PPP1R9A: variants seen among roughly 807,000 people sequenced by gnomAD.
The protein encoded by PPP1R9A is neurabin-1.
A neutral mutation model predicts 141.9 loss-of-function variants in PPP1R9A; 59 were observed. The observed-to-expected ratio is 0.42, with a 90% CI of 0.34 to 0.52. The LOEUF (loss-of-function observed/expected upper bound fraction) is 0.52. Ranked by LOEUF, PPP1R9A falls within the 20% of genes least tolerant of loss-of-function variation. The probability of loss-of-function intolerance (pLI) is 0.10; values close to 1 mark genes in which losing one functional copy is unlikely to be tolerated. For synonymous variants in PPP1R9A, 500 were observed against 569.7 expected, an observed-to-expected ratio of 0.88 and a Z score of 1.74; for missense variants, 1,444 against 1,611.9, an observed-to-expected ratio of 0.90 and a Z score of 1.78.
chr7:95,006,433 G>T (rs1803607985), intron 2 of PPP1R9A, among the ~76,000 whole-genome samples: 1 of 151,882 alleles, frequency 6.6e-6, no homozygotes, highest in South Asian at 2.1e-4. Flanking sequence ...TGGCCAGGCT[G>T]GTCTCGAACT....
intron 5 of PPP1R9A, among the ~76,000 whole-genome samples, chr7:95,169,253 G>A (rs946512219): frequency 1.3e-5 from 2 of 151,922 alleles, no homozygotes; most frequent in African/African-American, 4.8e-5. Flanking sequence ...ATGGGAACTG[G>A]AGGTCATTAT....
intron 12 of PPP1R9A, among the ~76,000 whole-genome samples, chr7:95,256,416 A>T (rs1799593618): frequency 6.6e-6 from 1 of 152,136 alleles, no homozygotes; most frequent in Non-Finnish European, 1.5e-5. Context: ...ATGAAGTTTA[A>T]TACCTTTTCA....
chr7:94,942,574 G>A (rs1006761947), intron 2 of PPP1R9A, among the ~76,000 whole-genome samples: 4 of 151,922 alleles, frequency 2.6e-5, no homozygotes, highest in African/African-American at 9.7e-5. Flanking sequence ...AGGCTGAGGC[G>A]GGTGGATCAC....
intron 7 of PPP1R9A, among the ~76,000 whole-genome samples, chr7:95,221,687 G>C (rs1039692041): frequency 4.6e-5 from 7 of 151,974 alleles, no homozygotes; most frequent in African/African-American, 1.7e-4. Flanking sequence ...AAGACTGGCA[G>C]CTCAAGAAAA....
intron 8 of PPP1R9A, among the ~76,000 whole-genome samples, chr7:95,227,835 T>C (rs1795356471): frequency 6.6e-6 from 1 of 152,204 alleles, no homozygotes; most frequent in Non-Finnish European, 1.5e-5. Context: ...CTCACCTCAA[T>C]AACAGGCAAT....
chr7:95,046,456 G>C (rs1354838767), intron 2 of PPP1R9A, among the ~76,000 whole-genome samples: 1 of 152,172 alleles, frequency 6.6e-6, no homozygotes, highest in African/African-American at 2.4e-5. Flanking sequence ...CAGATAACCC[G>C]ATGGCCTTTG....
chr7:94,941,583 G>A (rs114863001), intron 2 of PPP1R9A, among the ~76,000 whole-genome samples: 2,060 of 151,700 alleles, frequency 0.014, 54 homozygotes, highest in African/African-American at 0.048. Context: ...ATATGGAAAG[G>A]TTTCAACTCT....
intron 7 of PPP1R9A, among the ~76,000 whole-genome samples, chr7:95,222,993 A>G (rs1194595300): frequency 6.6e-6 from 1 of 152,042 alleles, no homozygotes; most frequent in Non-Finnish European, 1.5e-5. Flanking sequence ...TAGTAAATGT[A>G]TCATCCTAAA....
chr7:95,296,135 T>C lies in PPP1R9A; in HGVS notation c.*5832T>C, dbSNP rs1807070302. ...TTGTACATTTTGATGTCTGATCATT[T>C]GCATGGAAGAGACAATAGTGCCACG... On this transcript the variant is annotated 3_prime_UTR_variant, in exon 20 of 20. Coordinates refer to ENST00000433360, the MANE Select transcript of PPP1R9A (RefSeq NM_001166160.2). 1.3e-5 allele frequency: 2 copies of C among 152,644 alleles called. No individual in the cohort carries two copies. Among genetic ancestry groups the C allele is most frequent in the African/African-American group, 4.8e-5 (2 of 41,472 alleles). The allele number at this position is 152,644 out of a possible 1,614,324, so 9.5% of individuals were successfully genotyped here.
chr7:94,999,715 G>A (rs1257592609), intron 2 of PPP1R9A, among the ~76,000 whole-genome samples: 2 of 151,810 alleles, frequency 1.3e-5, no homozygotes, highest in Non-Finnish European at 2.9e-5. Flanking sequence ...AACTGTTTGA[G>A]TTGCATTACT....
chr7:95,082,886 GC>G (rs1284189111), intron 2 of PPP1R9A, among the ~76,000 whole-genome samples: 1 of 149,798 alleles, frequency 6.7e-6, no homozygotes. Context: ...CTCCCAAGTA[GC>G]TGGGACTACA....
rs534525642 is a variant in PPP1R9A, at chr7:94,936,496, C to T, written c.1395+24988C>T. ...CTATCTTATGTCATGTTCTGTATTC[C>T]GTATTCTAAAGGGACTTGAGTATTG... is the stretch of plus-strand genomic sequence containing the variant. On this transcript the variant is annotated intron_variant, in intron 2 of 19. Transcript: ENST00000433360. Among the ~76,000 whole-genome samples the T allele has an allele frequency of 1.4e-4, 22 of 152,068 alleles. No homozygotes were observed. The South Asian group carries it at 3.1e-3, about 22-fold the overall frequency.
chr7:95,280,490 A>T (rs1244780431), intron 16 of PPP1R9A, among the ~76,000 whole-genome samples: 1 of 152,212 alleles, frequency 6.6e-6, no homozygotes, highest in Admixed American at 6.5e-5. Context: ...TGGATTCAAG[A>T]TATATGTAAA....
rs1554492098 is a variant in PPP1R9A at position 95,070,624 on chromosome 7, C to CACAT, written c.1396-40634_1396-40633insCATA. 5.3e-3 allele frequency among the ~76,000 whole-genome samples: 710 copies of CACAT among 134,322 alleles called. 13 individuals carry two copies. In the Middle Eastern group the frequency reaches 0.066, roughly 12 times the overall value. The allele number at this position is 134,322 out of a possible 152,430, so 88.1% of individuals were successfully genotyped here. On this transcript the variant is annotated intron_variant, in intron 2 of 19. Coordinates refer to ENST00000433360, the MANE Select transcript of PPP1R9A (RefSeq NM_001166160.2). ...ATATATATATATACACACACACACACATATATATAAGGTGTTTTTGCTTAT... is the reference window on the plus strand; with the variant it reads ...ATATATATATATACACACACACACACACATATATATATAAGGTGTTTTTGCTTAT...
chr7:95,205,828 A>G (rs1475455158), intron 7 of PPP1R9A, among the ~76,000 whole-genome samples: 4 of 152,118 alleles, frequency 2.6e-5, no homozygotes, highest in South Asian at 4.1e-4. Context: ...TCCCCCCATT[A>G]GCCTGTAATC....
At chr7:94,909,313 CT>C (rs540931723) in intron 1 of PPP1R9A, among the ~76,000 whole-genome samples, 204 of 152,278 alleles carry the variant, frequency 1.3e-3, no homozygotes, top group African/African-American at 4.7e-3. Flanking sequence ...TATTCAGGAA[CT>C]TTTTTTCTCC....
intron 2 of PPP1R9A, among the ~76,000 whole-genome samples, chr7:95,016,508 T>C (rs1805127189): frequency 6.6e-6 from 1 of 152,014 alleles, no homozygotes; most frequent in Non-Finnish European, 1.5e-5. Context: ...AAAAGGATAA[T>C]ACATGCCTAA....
At position 94,910,807 on chromosome 7, in the gene PPP1R9A, G is replaced by A; in HGVS notation, c.694G>A (p.Gly232Arg). ...TGAAAACAATGAATACTCAGTGACT[G>A]GGCATTATCCCTTGAATTTACCATC... ...KAENNEYSVTGHYPLNLPSVT... is the reference protein window; with the variant it reads ...KAENNEYSVTRHYPLNLPSVT... Residue 232 changes from glycine (G) to arginine (R), a missense_variant, in exon 2 of 20, where the codon GGG (glycine) becomes AGG (arginine). Physicochemically the swap from Gly to Arg is moderately radical, Grantham distance 125. Around this residue, in one of 5 missense-constraint regions of PPP1R9A, gnomAD observed 490 missense variants for 521.1 expected, o/e 0.94. Coordinates refer to ENST00000433360, the MANE Select transcript of PPP1R9A (RefSeq NM_001166160.2). The surrounding 1 kb of genome is among the most constrained non-coding windows in gnomAD (Gnocchi z 4.5). 1 of 1,613,864 alleles carries A rather than the reference G, an allele frequency of 6.2e-7. No homozygotes were observed. Among genetic ancestry groups the A allele is most frequent in the Admixed American group, 1.7e-5 (1 of 60,014 alleles).
chr7:95,046,789 C>G (rs1276318424), intron 2 of PPP1R9A, among the ~76,000 whole-genome samples: 1 of 152,142 alleles, frequency 6.6e-6, no homozygotes, highest in East Asian at 1.9e-4. Context: ...TTAAATTAGA[C>G]CAGTAATAAA....
Sources: allele counts gnomAD v4.1 joint callset (sites outside exome capture counted in the v4.1 genomes callset), GRCh38; gene constraint gnomAD v4.1.1; regional missense constraint gnomAD v4.1.1; non-coding constraint Gnocchi (gnomAD v3.1); transcripts MANE v1.5; gene names NCBI Gene and HGNC (gene_info 2026-07-23, HGNC 2026-07-21).